Variants in PTPRM observed in about 807,000 individuals in gnomAD.
PTPRM encodes protein tyrosine phosphatase receptor type M, also known as receptor-type tyrosine-protein phosphatase mu.
Under a neutral mutation model 186.7 loss-of-function variants are expected in PTPRM, and 47 were observed. The ratio of observed to expected loss-of-function variants is 0.25; its 90% CI spans 0.20 to 0.32. PTPRM has a LOEUF of 0.32. Among genes scored for constraint, PTPRM ranks in the 10% least tolerant of loss-of-function variants. The pLI, the probability that PTPRM is intolerant of heterozygous loss-of-function variation, is 1.00. For missense variants in PTPRM, 1,494 were observed against 1,865.0 expected, an observed-to-expected ratio of 0.80 and a Z score of 3.66; for synonymous variants, 668 against 674.9, an observed-to-expected ratio of 0.99 and a Z score of 0.16.
At chr18:8,366,181 A>G (rs1361944387) in intron 23 of PTPRM, among the ~76,000 whole-genome samples, 1 of 152,134 alleles carries the variant, frequency 6.6e-6, no homozygotes. Context: ...ATCATGTCCT[A>G]TTTACAGATG....
chr18:7,604,076 T>C (rs2037471502), intron 1 of PTPRM, among the ~76,000 whole-genome samples: 1 of 152,242 alleles, frequency 6.6e-6, no homozygotes, highest in Admixed American at 6.5e-5. Context: ...ATTTGATGTA[T>C]TGATCAGTGT....
intron 11 of PTPRM, among the ~76,000 whole-genome samples, chr18:8,094,173 C>T (rs563787224): frequency 4.9e-4 from 74 of 152,234 alleles, no homozygotes; most frequent in African/African-American, 1.7e-3. Flanking sequence ...AAACAAAAAA[C>T]TTATAGTGTA....
In PTPRM at chr18:7,888,636, C is replaced by A. The variant is rs376335733; in HGVS notation, c.468+259C>A. Among the ~76,000 whole-genome samples, 25 of 152,064 alleles carry A rather than the reference C, an allele frequency of 1.6e-4. No individual in the cohort carries two copies. The East Asian group carries it at 4.1e-3, about 25-fold the overall frequency. On this transcript the variant is annotated intron_variant, in intron 3 of 32. Transcript: ENST00000580170. ...GCAATCCCATTACTGGGTATATAACCAAAGGAAAATCAATTACATGAGTTC... is the reference window on the plus strand; with the variant it reads ...GCAATCCCATTACTGGGTATATAACAAAAGGAAAATCAATTACATGAGTTC...
intron 7 of PTPRM, among the ~76,000 whole-genome samples, chr18:7,988,453 A>G (rs1186006281): frequency 6.6e-6 from 1 of 152,148 alleles, no homozygotes; most frequent in Non-Finnish European, 1.5e-5. Context: ...TAAATGTACA[A>G]TTCAGTGCCA....
At chr18:7,841,380 C>T (rs1369186107) in intron 2 of PTPRM, among the ~76,000 whole-genome samples, 1 of 150,780 alleles carries the variant, frequency 6.6e-6, no homozygotes, top group Non-Finnish European at 1.5e-5. Flanking sequence ...CAAGCTCCGC[C>T]TCCTGGGTTC....
intron 14 of PTPRM, among the ~76,000 whole-genome samples, chr18:8,160,902 C>T (rs564469158): frequency 1.3e-5 from 2 of 152,242 alleles, no homozygotes; most frequent in South Asian, 2.1e-4. Context: ...AGGAAAAGGC[C>T]GCTTAGTGTA....
intron 14 of PTPRM, among the ~76,000 whole-genome samples, chr18:8,152,231 G>A (rs1368294374): frequency 6.6e-6 from 1 of 152,206 alleles, no homozygotes; most frequent in Non-Finnish European, 1.5e-5. Flanking sequence ...TAGTCTGAAA[G>A]TCATCAACAT....
chr18:8,306,861 T>A (rs1256377509), intron 20 of PTPRM, among the ~76,000 whole-genome samples: 1 of 152,228 alleles, frequency 6.6e-6, no homozygotes, highest in Non-Finnish European at 1.5e-5. Context: ...CATTTCCTCA[T>A]AAAAATTTGA....
Position 8,098,449 on chromosome 18 carries a change from A to G in PTPRM, c.1856+9598A>G, listed in dbSNP as rs575176465. 6.0e-4 allele frequency among the ~76,000 whole-genome samples: 91 copies of G among 152,308 alleles called. 1 individual carries two copies. The South Asian group carries it at 0.013, about 22-fold the overall frequency. ...TTATCACCTGAAACATTTATTACAGATAAGAAGACCCTAGACCTTCATTTA... is the reference window on the plus strand; with the variant it reads ...TTATCACCTGAAACATTTATTACAGGTAAGAAGACCCTAGACCTTCATTTA... On this transcript the variant is annotated intron_variant, in intron 11 of 32. Transcript: ENST00000580170.
intron 31 of PTPRM, among the ~76,000 whole-genome samples, chr18:8,388,286 A>G (rs2095790924): frequency 6.6e-6 from 1 of 152,242 alleles, no homozygotes; most frequent in Non-Finnish European, 1.5e-5. Flanking sequence ...CATTAGAAGT[A>G]CACAATGAGA....
intron 1 of PTPRM, among the ~76,000 whole-genome samples, chr18:7,596,358 T>C (rs1219833181): frequency 6.6e-6 from 1 of 152,160 alleles, no homozygotes; most frequent in Non-Finnish European, 1.5e-5. Context: ...TTATGAATCG[T>C]TTACTTCTGG....
At chr18:7,944,966 A>G (rs77426891) in intron 5 of PTPRM, among the ~76,000 whole-genome samples, 3,288 of 152,298 alleles carry the variant, frequency 0.022, 45 homozygotes, top group African/African-American at 0.044. Context: ...CAGTGTCATT[A>G]TTGAGAGGTG....
intron 10 of PTPRM, among the ~76,000 whole-genome samples, chr18:8,086,414 A>G (rs1360675637): frequency 1.3e-5 from 2 of 152,124 alleles, no homozygotes; most frequent in East Asian, 3.9e-4. Context: ...TTTGAGAAAT[A>G]TTTCTAGGCA....
intron 7 of PTPRM, among the ~76,000 whole-genome samples, chr18:7,972,391 G>A (rs1407069659): frequency 2.5e-5 from 3 of 119,998 alleles, no homozygotes; most frequent in Admixed American, 9.0e-5. Flanking sequence ...CAGCGCACCA[G>A]CATGGCACAT....
intron 5 of PTPRM, among the ~76,000 whole-genome samples, chr18:7,929,632 T>C (rs2051364258): frequency 1.3e-5 from 2 of 152,236 alleles, no homozygotes; most frequent in Non-Finnish European, 2.9e-5. Context: ...ATTTTATTAA[T>C]AGCTTATGAA....
intron 3 of PTPRM, among the ~76,000 whole-genome samples, chr18:7,904,569 T>C (rs927651669): frequency 6.6e-6 from 1 of 152,206 alleles, no homozygotes; most frequent in Non-Finnish European, 1.5e-5. Context: ...ATCGGGAAGT[T>C]CACCCAAGTT....
At chr18:7,852,172 A>G (rs1293585825) in intron 2 of PTPRM, among the ~76,000 whole-genome samples, 2 of 152,236 alleles carry the variant, frequency 1.3e-5, no homozygotes, top group Non-Finnish European at 1.5e-5. Context: ...GTAAATATGC[A>G]TAAAATTATT....
At chr18:8,075,044 T>G (rs1183275300) in intron 8 of PTPRM, among the ~76,000 whole-genome samples, 1 of 152,224 alleles carries the variant, frequency 6.6e-6, no homozygotes, top group Non-Finnish European at 1.5e-5. Flanking sequence ...AGTTAAGTCT[T>G]TAAACTATTC....
chr18:7,715,581 A>G (rs1012541819), intron 1 of PTPRM, among the ~76,000 whole-genome samples: 4 of 152,228 alleles, frequency 2.6e-5, no homozygotes, highest in Non-Finnish European at 5.9e-5. Flanking sequence ...CTGTTTGCAT[A>G]TGACATGATT....
Sources: gnomAD v4.1 joint callset for allele counts (sites outside exome capture counted in the v4.1 genomes callset) on GRCh38, gnomAD v4.1.1 for gene constraint, MANE v1.5 for transcripts, NCBI Gene and HGNC (gene_info 2026-07-23, HGNC 2026-07-21) for gene names.